The following AGR2 variants were observed in gnomAD, a reference collection of about 807,000 sequenced individuals.
AGR2 encodes the protein anterior gradient 2, protein disulphide isomerase family member.
In AGR2, 27 loss-of-function variants were observed where a neutral mutation model predicts 25.9. The observed-to-expected ratio is 1.04, with a 90% CI of 0.77 to 1.44. The LOEUF is 1.44. Ranked by LOEUF, AGR2 falls within the 40% of genes most tolerant of loss-of-function variation. AGR2 has a pLI of 0.00. For missense variants in AGR2, 182 were observed against 200.9 expected (o/e 0.91, Z 0.57); for synonymous variants, 78 against 72.0 (o/e 1.08, Z -0.42).
chr7:16,796,019 A>G (rs554335709), intron 6 of AGR2, among the ~76,000 whole-genome samples: 11 of 152,242 alleles, frequency 7.2e-5, no homozygotes, highest in Admixed American at 2.0e-4. Context: ...GGCTTTTTAA[A>G]TACCCAACTA....
intron 1 of AGR2, among the ~76,000 whole-genome samples, chr7:16,804,039 G>C (rs563764346): frequency 5.9e-5 from 9 of 152,224 alleles, no homozygotes; most frequent in African/African-American, 7.2e-5. Context: ...AAAGATCACA[G>C]GTTGGAACTA....
intron 5 of AGR2, among the ~76,000 whole-genome samples, chr7:16,799,346 G>A (rs1734040361): frequency 6.6e-6 from 1 of 152,162 alleles, no homozygotes; most frequent in Non-Finnish European, 1.5e-5. Flanking sequence ...AGGTGGGAAT[G>A]CATGAAGCTA....
At chr7:16,793,036 C>A in intron 7 of AGR2, 79 bp from the exon 8 acceptor site, 1 of 1,307,550 alleles carries the variant, frequency 7.6e-7, no homozygotes, top group Non-Finnish European at 1.1e-6. Context: ...CTTGGATGCT[C>A]AATTCATTAT....
chr7:16,799,845 A>G, intron 4 of AGR2, 28 bp from the exon 5 acceptor site: 2 of 1,482,170 alleles, frequency 1.3e-6, no homozygotes, highest in East Asian at 2.3e-5. Context: ...ATCATTAAGC[A>G]TCCATCTTAG....
intron 5 of AGR2, chr7:16,799,521 AT>A: frequency 2.1e-6 from 1 of 471,992 alleles, no homozygotes; most frequent in Non-Finnish European, 3.7e-6. Context: ...ACGGGAGATA[AT>A]TTTTCAGACA....
chr7:16,795,093 G>A, intron 6 of AGR2, 74 bp from the exon 7 acceptor site: 2 of 1,517,748 alleles, frequency 1.3e-6, no homozygotes, highest in Non-Finnish European at 1.8e-6. Flanking sequence ...GCCCCGGGGA[G>A]CTGAAGTTCA....
At chr7:16,801,490 A>G (rs1332755154) in intron 2 of AGR2, 107 bp from the exon 3 acceptor site, 2 of 1,336,052 alleles carry the variant, frequency 1.5e-6, no homozygotes, top group Non-Finnish European at 2.1e-6. Flanking sequence ...CTAAAGAAGA[A>G]GAAAAACCCC....
At chr7:16,795,266 C>T (rs570413373) in intron 6 of AGR2, among the ~76,000 whole-genome samples, 3 of 150,686 alleles carry the variant, frequency 2.0e-5, no homozygotes, top group Non-Finnish European at 2.9e-5. Flanking sequence ...CCCTTCTGTT[C>T]TATCTATGGC....
At chr7:16,801,612 T>C in intron 2 of AGR2, 46 bp downstream of exon 2, 1 of 1,612,626 alleles carries the variant, frequency 6.2e-7, no homozygotes, top group Non-Finnish European at 8.5e-7. Flanking sequence ...AGGAAATCTT[T>C]TCCAATTAAG....
rs187037589 is a variant in AGR2 at position 16,795,074 on chromosome 7, G to C, written c.395-55C>G. ...GGAATGGTTTGTTTTCAAACAACCTGTATTTATTGCCCCGGGGAGCTGAAG... is the reference window on the plus strand; with the variant it reads ...GGAATGGTTTGTTTTCAAACAACCTCTATTTATTGCCCCGGGGAGCTGAAG... On this transcript the variant is annotated intron_variant, in intron 6 of 7. Coordinates refer to ENST00000419304, the MANE Select transcript of AGR2 (RefSeq NM_006408.4). 25 of 1,585,664 alleles carry C rather than the reference G, an allele frequency of 1.6e-5. No homozygotes were observed. The Admixed American group carries it at 1.7e-4, about 11-fold the overall frequency.
chr7:16,794,887 T>C (rs779083924), intron 7 of AGR2, 49 bp downstream of exon 7: 2 of 1,612,908 alleles, frequency 1.2e-6, no homozygotes, highest in Admixed American at 1.7e-5. Context: ...ACTACAGCAA[T>C]AGAGGTGTTC....
chr7:16,794,656 C>T, intron 7 of AGR2: 1 of 697,030 alleles, frequency 1.4e-6, no homozygotes, highest in Non-Finnish European at 2.3e-6. Flanking sequence ...GTGTACCTAA[C>T]AGAAAACCTG....
chr7:16,801,745 T>A lies in AGR2; in HGVS notation c.52A>T (p.Thr18Ser), dbSNP rs762550508. Residue 18 changes from threonine (T) to serine (S), a missense_variant, in exon 2 of 8, where the codon ACT (threonine) becomes TCT (serine). Thr to Ser is a moderately conservative substitution (Grantham distance 58). Transcript: ENST00000419304. Reference sequence around the variant, plus strand: ...TTGACTGTGGTATCTCTGGCCAGAGTGTAGGAGAGGGCCACAAGGAGCAAG... The same window carrying A: ...TTGACTGTGGTATCTCTGGCCAGAGAGTAGGAGAGGGCCACAAGGAGCAAG... ...AFLLLVALSY[T>S]LARDTTVKPG... is the part of the protein sequence containing the mutation. The A allele has an allele frequency of 9.9e-6, 16 of 1,613,046 alleles. No individual in the cohort carries two copies. Among genetic ancestry groups the A allele is most frequent in the South Asian group, 6.6e-5 (6 of 90,984 alleles).
intron 1 of AGR2, chr7:16,803,172 C>T (rs1421267995): frequency 6.6e-6 from 1 of 152,002 alleles, no homozygotes; most frequent in Admixed American, 6.6e-5. Flanking sequence ...TCTGGTATGC[C>T]ACAGTTGATT....
chr7:16,794,053 C>T (rs746666684), intron 7 of AGR2, among the ~76,000 whole-genome samples: 2 of 152,198 alleles, frequency 1.3e-5, no homozygotes, highest in Non-Finnish European at 2.9e-5. Flanking sequence ...CCAGCACACA[C>T]TGGAAACATT....
intron 4 of AGR2, among the ~76,000 whole-genome samples, chr7:16,800,578 C>T (rs773958872): frequency 6.6e-6 from 1 of 152,232 alleles, no homozygotes; most frequent in African/African-American, 2.4e-5. Flanking sequence ...ACCAGCCTCA[C>T]TCTGGCTTCT....
intron 4 of AGR2, among the ~76,000 whole-genome samples, chr7:16,800,242 G>A (rs1212857923): frequency 2.6e-5 from 4 of 152,202 alleles, no homozygotes; most frequent in Non-Finnish European, 4.4e-5. Flanking sequence ...GCAAAGCAAA[G>A]GGTTTAAAAA....
chr7:16,801,338 A>G lies in AGR2; in HGVS notation c.185T>C (p.Leu62Pro). ...LIWTQTYEEALYKSKTSNKPL... is the reference protein window; with the variant it reads ...LIWTQTYEEAPYKSKTSNKPL... ...TCTTTACCTTGTCTTGGATTTATAT[A>G]GAGCTTCTTCATATGTCTGAGTCCA... is the stretch of plus-strand genomic sequence containing the variant. The change falls in exon 3 of 8, where the codon CTA becomes CCA. Residue 62 changes from leucine (L) to proline (P), a missense_variant. By Grantham distance (98) the Leu-to-Pro change is moderately conservative. Transcript: ENST00000419304. 1 of 1,613,782 alleles carries G rather than the reference A, an allele frequency of 6.2e-7. No homozygotes were observed. Among genetic ancestry groups the G allele is most frequent in the Non-Finnish European group, 8.5e-7 (1 of 1,179,856 alleles).
chr7:16,796,172 A>T (rs964020002), intron 6 of AGR2, among the ~76,000 whole-genome samples: 2 of 152,182 alleles, frequency 1.3e-5, no homozygotes, highest in Non-Finnish European at 2.9e-5. Flanking sequence ...CAGGTGATTC[A>T]AACATGTAGT....
Sources: gnomAD v4.1 joint callset for allele counts (sites outside exome capture counted in the v4.1 genomes callset) on GRCh38, gnomAD v4.1.1 for gene constraint, MANE v1.5 for transcripts, NCBI Gene and HGNC (gene_info 2026-07-23, HGNC 2026-07-21) for gene names.